JMY: variants seen among roughly 807,000 people sequenced by gnomAD.
JMY encodes the protein junction mediating and regulatory protein, p53 cofactor.
Under a neutral mutation model 103.3 loss-of-function variants are expected in JMY, and 46 were observed. The observed-to-expected ratio is 0.45, with a 90% CI of 0.35 to 0.57. JMY has a LOEUF of 0.57. JMY is among the 20% of genes least tolerant of loss of function. JMY has a pLI of 0.00. For missense variants in JMY, 1,238 were observed against 1,255.2 expected, an observed-to-expected ratio of 0.99 and a Z score of 0.21; for synonymous variants, 526 against 489.3, an observed-to-expected ratio of 1.07 and a Z score of -0.99.
intron 2 of JMY, among the ~76,000 whole-genome samples, chr5:79,283,117 G>A (rs575930709): frequency 4.6e-5 from 7 of 151,904 alleles, no homozygotes; most frequent in East Asian, 1.9e-4. Context: ...TCAGCCTCCC[G>A]GAGTAGCTGG....
At chr5:79,296,987 C>T (rs1746581520) in intron 4 of JMY, among the ~76,000 whole-genome samples, 1 of 152,184 alleles carries the variant, frequency 6.6e-6, no homozygotes. Flanking sequence ...GATGTATGGA[C>T]ATGAATTGGT....
Position 79,272,449 on chromosome 5 carries a change from C to T in JMY, c.1033-5461C>T, listed in dbSNP as rs548585038. ...CTTTTTTTTCTTTTCTTTTTTTTGA[C>T]ATAGAGGTATGTATATGAAAATAGC... is the stretch of plus-strand genomic sequence containing the variant. On this transcript the variant is annotated intron_variant, in intron 1 of 10. Coordinates refer to ENST00000396137, the MANE Select transcript of JMY (RefSeq NM_152405.5). Among the ~76,000 whole-genome samples the T allele has an allele frequency of 4.0e-5, 6 of 151,630 alleles. No individual in the cohort carries two copies. The East Asian group carries it at 1.2e-3, about 29-fold the overall frequency.
intron 1 of JMY, among the ~76,000 whole-genome samples, chr5:79,247,924 G>A (rs906591935): frequency 2.4e-4 from 36 of 149,018 alleles, no homozygotes; most frequent in Admixed American, 3.3e-4. Context: ...ACAGAGTCTC[G>A]TTCTGCTGCT....
intron 1 of JMY, among the ~76,000 whole-genome samples, chr5:79,247,652 A>G (rs1264653183): frequency 6.6e-6 from 1 of 150,498 alleles, no homozygotes. Context: ...TATTTTGTTT[A>G]TTTATTTATT....
At chr5:79,269,736 A>T (rs1417775372) in intron 1 of JMY, among the ~76,000 whole-genome samples, 1 of 149,150 alleles carries the variant, frequency 6.7e-6, no homozygotes, top group Non-Finnish European at 1.5e-5. Context: ...TTTTTTATTT[A>T]TTTTTTTTTT....
chr5:79,316,671 T>A (rs1747231363), intron 10 of JMY, among the ~76,000 whole-genome samples: 1 of 151,938 alleles, frequency 6.6e-6, no homozygotes, highest in Non-Finnish European at 1.5e-5. Context: ...TTTGGGAGGC[T>A]GAAGCAGGCA....
At chr5:79,313,899 C>G (rs1747124699) in intron 8 of JMY, among the ~76,000 whole-genome samples, 1 of 152,204 alleles carries the variant, frequency 6.6e-6, no homozygotes. Flanking sequence ...CACTCTGTCA[C>G]TCAGGCTGGA....
chr5:79,258,308 T>TC (rs1745311766), intron 1 of JMY, among the ~76,000 whole-genome samples: 1 of 90,968 alleles, frequency 1.1e-5, no homozygotes, highest in Non-Finnish European at 2.8e-5. Flanking sequence ...TTTTTTTGTT[T>TC]TTGTTGTTTT....
intron 4 of JMY, among the ~76,000 whole-genome samples, chr5:79,293,377 C>T (rs1746477457): frequency 6.8e-6 from 1 of 146,908 alleles, no homozygotes; most frequent in Non-Finnish European, 1.5e-5. Context: ...AATTTATACC[C>T]CCTTTAACTT....
chr5:79,237,733 T>C (rs773447609), intron 1 of JMY, 51 bp downstream of exon 1: 31 of 1,508,430 alleles, frequency 2.1e-5, no homozygotes, highest in Non-Finnish European at 2.7e-5. Flanking sequence ...TTTGGTTTAC[T>C]GGCCAAACCA....
At chr5:79,310,114 G>A (rs1168374189) in intron 7 of JMY, among the ~76,000 whole-genome samples, 1 of 118,752 alleles carries the variant, frequency 8.4e-6, no homozygotes, top group Non-Finnish European at 1.6e-5. Flanking sequence ...CCAGGCTGAA[G>A]TGCAGTGGTG....
intron 2 of JMY, chr5:79,284,456 G>A: frequency 4.5e-6 from 7 of 1,572,572 alleles, no homozygotes; most frequent in Non-Finnish European, 6.1e-6. Context: ...TTGGTGCTGG[G>A]CATAAGAGGT....
At chr5:79,302,403 A>G (rs1461099384) in intron 6 of JMY, among the ~76,000 whole-genome samples, 2 of 152,196 alleles carry the variant, frequency 1.3e-5, no homozygotes, top group African/African-American at 4.8e-5. Context: ...CTAGTCTTTT[A>G]GAGAAGGCAA....
At chr5:79,252,643 T>C (rs1745122591) in intron 1 of JMY, among the ~76,000 whole-genome samples, 1 of 152,208 alleles carries the variant, frequency 6.6e-6, no homozygotes, top group African/African-American at 2.4e-5. Flanking sequence ...GGTGCTCCAG[T>C]GTTAGGTGCA....
chr5:79,242,201 C>T (rs1744761118), intron 1 of JMY, among the ~76,000 whole-genome samples: 2 of 152,160 alleles, frequency 1.3e-5, no homozygotes, highest in African/African-American at 4.8e-5. Context: ...GTGTAAGCCA[C>T]ATAATAAATA....
chr5:79,245,478 G>A (rs1416912920), intron 1 of JMY, among the ~76,000 whole-genome samples: 1 of 151,940 alleles, frequency 6.6e-6, no homozygotes, highest in East Asian at 1.9e-4. Context: ...TGTCCTGATT[G>A]TAATATGAGT....
At chr5:79,257,096 TCTCA>T (rs1167663632) in intron 1 of JMY, among the ~76,000 whole-genome samples, 45 of 150,788 alleles carry the variant, frequency 3.0e-4, no homozygotes, top group African/African-American at 1.1e-3. Flanking sequence ...TGAGATGGAG[TCTCA>T]CTCACTCTGT....
At chr5:79,295,934 T>C (rs941538220) in intron 4 of JMY, among the ~76,000 whole-genome samples, 5 of 152,250 alleles carry the variant, frequency 3.3e-5, no homozygotes, top group Admixed American at 6.5e-5. Flanking sequence ...AATTCTGTTT[T>C]GGCAGCAGTT....
chr5:79,277,994 G>T lies in JMY; in HGVS notation c.1117G>T (p.Ala373Ser). ...GGAGGATGAAGCCTACAGCAGCCTT[G>T]CAGAAGCTACAACCGAACTCTATCA... ...QMEDEAYSSL[A>S]EATTELYQYL... is the part of the protein sequence containing the mutation. The change falls in exon 2 of 11, where the codon GCA becomes TCA. Residue 373 changes from alanine (A) to serine (S), a missense_variant. By Grantham distance (99) the Ala-to-Ser change is moderately conservative. Transcript: ENST00000396137. The T allele has an allele frequency of 6.2e-7, 1 of 1,614,034 alleles. No individual in the cohort carries two copies. The highest frequency in any genetic ancestry group is 8.5e-7 in the Non-Finnish European group (1 of 1,179,938).
Sources: gnomAD v4.1 joint callset for allele counts (sites outside exome capture counted in the v4.1 genomes callset) on GRCh38, gnomAD v4.1.1 for gene constraint, MANE v1.5 for transcripts, NCBI Gene and HGNC (gene_info 2026-07-23, HGNC 2026-07-21) for gene names.